The following PKP4 variants were observed in gnomAD, a reference collection of about 807,000 sequenced individuals.
PKP4 encodes plakophilin 4.
PKP4 carries 90 observed loss-of-function variants against 145.1 expected under a neutral mutation model. The ratio of observed to expected loss-of-function variants is 0.62; its 90% confidence interval spans 0.52 to 0.74. The LOEUF is 0.74. Among genes scored for constraint, PKP4 ranks in the 30% least tolerant of loss-of-function variants. The pLI, the probability that PKP4 is intolerant of heterozygous loss-of-function variation, is 0.00. For missense variants in PKP4, 1,340 were observed against 1,482.7 expected (o/e 0.90, Z 1.58); for synonymous variants, 563 against 577.2 (o/e 0.98, Z 0.35).
chr2:158,505,052 T>A (rs6743236), intron 1 of PKP4, among the ~76,000 whole-genome samples: 137,967 of 152,228 alleles, frequency 0.91, 62,620 homozygotes, highest in East Asian at 0.98. Flanking sequence ...TAAGAGTTCT[T>A]TTCCTGTTCT....
At chr2:158,656,913 T>C (rs754041890) in intron 11 of PKP4, among the ~76,000 whole-genome samples, 1 of 152,152 alleles carries the variant, frequency 6.6e-6, no homozygotes, top group Non-Finnish European at 1.5e-5. Flanking sequence ...CAGGCTGGCT[T>C]CTTGGGCCGT....
chr2:158,517,525 T>C (rs1210498292), intron 1 of PKP4, among the ~76,000 whole-genome samples: 8 of 152,210 alleles, frequency 5.3e-5, no homozygotes, highest in Non-Finnish European at 1.0e-4. Flanking sequence ...CAGGGTCTTA[T>C]TTATCTTTGT....
intron 7 of PKP4, among the ~76,000 whole-genome samples, chr2:158,627,191 G>A (rs1373570033): frequency 1.3e-5 from 2 of 152,138 alleles, no homozygotes; most frequent in Non-Finnish European, 2.9e-5. Flanking sequence ...GCAGCAAAAT[G>A]ATGTAGGAAT....
chr2:158,585,290 A>G (rs890412651), intron 3 of PKP4, among the ~76,000 whole-genome samples: 2 of 152,208 alleles, frequency 1.3e-5, no homozygotes, highest in Non-Finnish European at 2.9e-5. Context: ...AAGCCCTGCT[A>G]AAATAGAATT....
At chr2:158,637,467 A>T (rs1412934555) in intron 9 of PKP4, among the ~76,000 whole-genome samples, 3 of 152,122 alleles carry the variant, frequency 2.0e-5, no homozygotes, top group African/African-American at 7.2e-5. Context: ...ACCTCTGCTT[A>T]GCTCCCTTGT....
At chr2:158,533,394 A>G (rs767257880) in intron 2 of PKP4, 78 bp downstream of exon 2, 2 of 1,532,126 alleles carry the variant, frequency 1.3e-6, no homozygotes, top group East Asian at 2.3e-5. Context: ...TATGTTTTAA[A>G]TTTGTGTAAC....
intron 2 of PKP4, among the ~76,000 whole-genome samples, chr2:158,546,513 A>G (rs933759458): frequency 6.6e-6 from 1 of 152,216 alleles, no homozygotes; most frequent in African/African-American, 2.4e-5. Context: ...TACACAGGAA[A>G]GAAACGTGAA....
At position 158,491,987 on chromosome 2, in the gene PKP4, T is replaced by A. The variant is rs762124048; in HGVS notation, c.-6+34769T>A. Among the ~76,000 whole-genome samples the A allele has an allele frequency of 2.2e-4, 34 of 152,036 alleles. 1 individual carries two copies. The highest frequency in any genetic ancestry group is 7.9e-4 in the Admixed American group (12 of 15,276). On this transcript the variant is annotated intron_variant, in intron 1 of 21. Transcript: ENST00000389759. ...CCATGCTGGAGTAATTTTTAAATGT[T>A]TTGTAGAGATGATGTCTCGCTATCT... is the stretch of plus-strand genomic sequence containing the variant.
At chr2:158,676,974 C>G (rs763683131) in intron 20 of PKP4, 107 bp downstream of exon 20, 6 of 1,283,418 alleles carry the variant, frequency 4.7e-6, no homozygotes, top group Non-Finnish European at 6.7e-6. Flanking sequence ...GACAGTCCCC[C>G]AGCAGCAAAC....
At chr2:158,533,080 G>T (rs185300787) in intron 1 of PKP4, 100 bp from the exon 2 acceptor site, 128 of 1,229,006 alleles carry the variant, frequency 1.0e-4, no homozygotes, top group African/African-American at 5.2e-4. Flanking sequence ...ATGGTGTGTA[G>T]ACTGTAGTCT....
chr2:158,587,367 A>G (rs377357916), intron 3 of PKP4, among the ~76,000 whole-genome samples: 1 of 152,068 alleles, frequency 6.6e-6, no homozygotes, highest in Admixed American at 6.5e-5. Flanking sequence ...TAATTATATT[A>G]TTAAATTATT....
At chr2:158,593,651 T>C (rs3771635) in intron 3 of PKP4, among the ~76,000 whole-genome samples, 30,362 of 152,208 alleles carry the variant, frequency 0.2, 3,888 homozygotes, top group Middle Eastern at 0.36. Flanking sequence ...TCCTGTTCCT[T>C]TCATGTTTTT....
chr2:158,626,596 A>T (rs1351897791), intron 7 of PKP4, among the ~76,000 whole-genome samples: 1 of 152,208 alleles, frequency 6.6e-6, no homozygotes, highest in African/African-American at 2.4e-5. Context: ...CCTTCTAAGA[A>T]GGTTACACAC....
At chr2:158,632,278 C>A (rs1408298054) in intron 8 of PKP4, among the ~76,000 whole-genome samples, 1 of 152,162 alleles carries the variant, frequency 6.6e-6, no homozygotes, top group East Asian at 1.9e-4. Context: ...CTTTGTAATT[C>A]TTTTGCCAAA....
rs1693886304 is a variant in PKP4, at chr2:158,484,538, T to C, written c.-6+27320T>C. On this transcript the variant is annotated intron_variant, in intron 1 of 21. Transcript: ENST00000389759. ...TCTATTCTTAGGAAGTATTTCTCCT[T>C]TGTTTGCATACTCTGAACTTTTAAT... 2.0e-5 allele frequency among the ~76,000 whole-genome samples: 3 copies of C among 152,230 alleles called. No individual in the cohort carries two copies. The South Asian group carries it at 6.2e-4, about 31-fold the overall frequency.
intron 16 of PKP4, among the ~76,000 whole-genome samples, chr2:158,668,743 C>T (rs912930156): frequency 6.6e-6 from 1 of 152,192 alleles, no homozygotes; most frequent in Non-Finnish European, 1.5e-5. Flanking sequence ...GTGAGCAAGC[C>T]AGAGCCTTCC....
chr2:158,667,202 C>T (rs765225803), intron 16 of PKP4, among the ~76,000 whole-genome samples: 5 of 152,188 alleles, frequency 3.3e-5, no homozygotes, highest in Admixed American at 1.3e-4. Flanking sequence ...CTTGCCTCTG[C>T]GGCATTGCCA....
At chr2:158,581,007 A>G (rs1398586988) in intron 3 of PKP4, among the ~76,000 whole-genome samples, 1 of 152,222 alleles carries the variant, frequency 6.6e-6, no homozygotes, top group African/African-American at 2.4e-5. Context: ...TGATCATTGA[A>G]TGGATAATGA....
At chr2:158,664,891 T>C (rs1294008680) in intron 15 of PKP4, among the ~76,000 whole-genome samples, 1 of 152,240 alleles carries the variant, frequency 6.6e-6, no homozygotes, top group African/African-American at 2.4e-5. Flanking sequence ...AACATTTATG[T>C]TGTAGAACAG....
Sources: gnomAD v4.1 joint callset for allele counts (sites outside exome capture counted in the v4.1 genomes callset) on GRCh38, gnomAD v4.1.1 for gene constraint, MANE v1.5 for transcripts, NCBI Gene and HGNC (gene_info 2026-07-23, HGNC 2026-07-21) for gene names.